Variants in INSR observed in about 807,000 individuals in gnomAD.
The protein encoded by INSR is insulin receptor.
Under a neutral mutation model 142.6 loss-of-function variants are expected in INSR, and 67 were observed. The observed-to-expected ratio is 0.47, with a 90% CI of 0.39 to 0.58. The LOEUF (loss-of-function observed/expected upper bound fraction) is 0.58. INSR is among the 20% of genes least tolerant of loss of function. The pLI is 0.00. For missense variants in INSR, 1,248 were observed against 1,833.2 expected, an observed-to-expected ratio of 0.68 and a Z score of 5.83; for synonymous variants, 756 against 743.1, an observed-to-expected ratio of 1.02 and a Z score of -0.28.
intron 2 of INSR, among the ~76,000 whole-genome samples, chr19:7,232,673 G>A (rs1051021380): frequency 6.6e-6 from 1 of 151,874 alleles, no homozygotes; most frequent in Non-Finnish European, 1.5e-5. Context: ...AGCCAGGCGT[G>A]GTGGCAGGCG....
intron 2 of INSR, among the ~76,000 whole-genome samples, chr19:7,213,603 G>A (rs147296323): frequency 2.6e-5 from 4 of 152,282 alleles, no homozygotes; most frequent in East Asian, 1.9e-4. Flanking sequence ...GTGCATGAGC[G>A]CCTCTAATTG....
At position 7,119,778 on chromosome 19, in the gene INSR, GCACACATGCA is replaced by G. The variant is rs934979507; in HGVS notation, c.3660-205_3660-196del. 2.2e-4 allele frequency among the ~76,000 whole-genome samples: 25 copies of G among 112,316 alleles called. No individual in the cohort carries two copies. Among genetic ancestry groups the G allele is most frequent in the African/African-American group, 1.0e-3 (25 of 25,042 alleles). 73.7% of individuals were successfully genotyped at this position (112,316 alleles called of 152,430 possible). On this transcript the variant is annotated intron_variant, in intron 20 of 21. Coordinates refer to ENST00000302850, the MANE Select transcript of INSR (RefSeq NM_000208.4). The surrounding 1 kb of genome is among the most constrained non-coding windows in gnomAD (Gnocchi z 5.2). ...TGCAAATACACACAAACACGCATGCGCACACATGCACACACAAATATGCAAACACACAAAC... is the reference window on the plus strand; with the variant it reads ...TGCAAATACACACAAACACGCATGCGCACACAAATATGCAAACACACAAAC...
At chr19:7,133,610 C>T (rs542428723) in intron 13 of INSR, among the ~76,000 whole-genome samples, 18 of 152,258 alleles carry the variant, frequency 1.2e-4, no homozygotes, top group Admixed American at 3.3e-4. Flanking sequence ...GCCTGTAATC[C>T]CAATACTTTG....
Position 7,170,850 on chromosome 19 carries a change from G to A in INSR, c.1269-99C>T, listed in dbSNP as rs34970365. On this transcript the variant is annotated intron_variant, in intron 5 of 21. Transcript: ENST00000302850. Reference sequence around the variant, plus strand: ...CGGAGTTGATCTTGTTCAGTGCTACGTGCCTAATCCTCTCCACTTGCTTGG... The same window carrying A: ...CGGAGTTGATCTTGTTCAGTGCTACATGCCTAATCCTCTCCACTTGCTTGG... The A allele has an allele frequency of 7.2e-3, 6,590 of 918,046 alleles. 294 individuals carry two copies. In the African/African-American group the frequency reaches 0.095, roughly 13 times the overall value. The allele number at this position is 918,046 out of a possible 1,614,324, so 56.9% of individuals were successfully genotyped here.
chr19:7,196,204 G>A (rs1008070850), intron 2 of INSR, among the ~76,000 whole-genome samples: 1 of 152,090 alleles, frequency 6.6e-6, no homozygotes, highest in African/African-American at 2.4e-5. Flanking sequence ...CAAAGTGCTG[G>A]GATTACAGGC....
chr19:7,133,132 C>T (rs998994255), intron 13 of INSR, among the ~76,000 whole-genome samples: 13 of 151,946 alleles, frequency 8.6e-5, no homozygotes, highest in African/African-American at 1.9e-4. Flanking sequence ...CACGATGGTT[C>T]GCACCTGTAG....
In INSR at chr19:7,168,753, C is replaced by T. The variant is rs113979682; in HGVS notation, c.1484-659G>A. ...CTGGGATTACAGGCACCCACCACCA[C>T]GTCCAGCTAGTTTTTGTATTTTTTT... On this transcript the variant is annotated intron_variant, in intron 6 of 21. Coordinates refer to ENST00000302850, the MANE Select transcript of INSR (RefSeq NM_000208.4). This position sits in a 1 kb window ranked among gnomAD's most constrained non-coding sequence, Gnocchi z 4.3. Among the ~76,000 whole-genome samples the T allele has an allele frequency of 1.3e-5, 2 of 150,026 alleles. No individual in the cohort carries two copies. The highest frequency in any genetic ancestry group is 5.0e-5 in the African/African-American group (2 of 39,848).
At chr19:7,160,723 C>T (rs1013152768) in intron 9 of INSR, among the ~76,000 whole-genome samples, 9 of 151,858 alleles carry the variant, frequency 5.9e-5, no homozygotes, top group South Asian at 2.1e-4. Context: ...TTAGGCTGGG[C>T]GCGGTGGCTC....
rs57665258 is a variant in INSR, at chr19:7,136,828, C to CATATATAT, written c.2683-4519_2683-4512dup. ...ATGTAAAACTTTATTTATTTATTTA[C>CATATATAT]ATATATATATATATATATATTGAGA... On this transcript the variant is annotated intron_variant, in intron 13 of 21. Transcript: ENST00000302850. Among the ~76,000 whole-genome samples, 167 of 139,828 alleles carry CATATATAT rather than the reference C, an allele frequency of 1.2e-3. 6 individuals are homozygous for CATATATAT. Among genetic ancestry groups the CATATATAT allele is most frequent in the Middle Eastern group, 0.011 (3 of 282 alleles). 91.7% of individuals were successfully genotyped at this position (139,828 alleles called of 152,430 possible). A position where few individuals can be genotyped will look rare whatever the true frequency, so the allele number is the denominator to read the frequency against.
chr19:7,148,573 A>G (rs8102016), intron 11 of INSR, among the ~76,000 whole-genome samples: 148,658 of 148,666 alleles, frequency 1, 74,325 homozygotes, highest in Middle Eastern at 1. Context: ...CGCCTCCAGA[A>G]ATCAAGTGAT....
intron 9 of INSR, among the ~76,000 whole-genome samples, chr19:7,161,499 C>T (rs1258891263): frequency 6.6e-6 from 1 of 152,154 alleles, no homozygotes; most frequent in Non-Finnish European, 1.5e-5. Context: ...ATCCTCCCAC[C>T]TTGGCCTCCC....
At chr19:7,273,307 C>A (rs1432763804) in intron 1 of INSR, among the ~76,000 whole-genome samples, 1 of 152,048 alleles carries the variant, frequency 6.6e-6, no homozygotes, top group African/African-American at 2.4e-5. Flanking sequence ...AGCAGTTTAC[C>A]ACTGGGACAG....
At chr19:7,135,062 G>A (rs1301165864) in intron 13 of INSR, among the ~76,000 whole-genome samples, 2 of 140,428 alleles carry the variant, frequency 1.4e-5, no homozygotes, top group African/African-American at 5.3e-5. Flanking sequence ...TAGGAGGGGG[G>A]TGGAGAGTGG....
Position 7,143,018 on chromosome 19 carries a change from G to C in INSR, c.2340C>G (p.Phe780Leu). The C allele has an allele frequency of 6.2e-7, 1 of 1,614,202 alleles. No homozygotes were observed. Among genetic ancestry groups the C allele is most frequent in the Non-Finnish European group, 8.5e-7 (1 of 1,180,042 alleles). The part of the protein sequence containing the change: ...VTVAVPTVAA[F>L]PNTSSTSVPT... ...GCACGCTGGTCGAGGAAGTGTTGGGGAAAGCTGCCACCGTGGGCACGGCCA... is the reference window on the plus strand; with the variant it reads ...GCACGCTGGTCGAGGAAGTGTTGGGCAAAGCTGCCACCGTGGGCACGGCCA... Residue 780 changes from phenylalanine (F) to leucine (L), a missense_variant, in exon 12 of 22, where the codon TTC (phenylalanine) becomes TTG (leucine). Transcript: ENST00000302850.
chr19:7,248,754 A>ATTTTTTTTTTTTTTTTTTTTTTT (rs552940485), intron 2 of INSR, among the ~76,000 whole-genome samples: 2 of 97,290 alleles, frequency 2.1e-5, no homozygotes, highest in Non-Finnish European at 3.7e-5. Flanking sequence ...GTTGGCCAGA[A>ATTTTTTTTTTTTTTTTTTTTTTT]TTTTTTTTTT....
intron 1 of INSR, among the ~76,000 whole-genome samples, chr19:7,289,336 G>A (rs1968427811): frequency 1.3e-5 from 2 of 151,978 alleles, no homozygotes; most frequent in African/African-American, 4.8e-5. Flanking sequence ...TAGGTAATGG[G>A]GATTGGGGGG....
In INSR at chr19:7,150,362, A is replaced by G; in HGVS notation, c.2267+135T>C. On this transcript the variant is annotated intron_variant, in intron 11 of 21. Transcript: ENST00000302850. This position sits in a 1 kb window ranked among gnomAD's most constrained non-coding sequence, Gnocchi z 4.2. ...AGGCATTGGATTTCTGAATTGGTGAAGCATCTGCTCTCCAGCACAGCTGCC... is the reference window on the plus strand; with the variant it reads ...AGGCATTGGATTTCTGAATTGGTGAGGCATCTGCTCTCCAGCACAGCTGCC... 1 of 737,946 alleles carries G rather than the reference A, an allele frequency of 1.4e-6. No individual in the cohort carries two copies. The highest frequency in any genetic ancestry group is 1.5e-5 in the South Asian group (1 of 67,000). 45.7% of individuals were successfully genotyped at this position (737,946 alleles called of 1,614,324 possible).
At chr19:7,191,557 C>G (rs1383081383) in intron 2 of INSR, among the ~76,000 whole-genome samples, 1 of 152,030 alleles carries the variant, frequency 6.6e-6, no homozygotes, top group Non-Finnish European at 1.5e-5. Flanking sequence ...GGCGCAGTGG[C>G]TTGTGCATGT....
At chr19:7,250,598 G>GA (rs1568218241) in intron 2 of INSR, among the ~76,000 whole-genome samples, 2 of 118,798 alleles carry the variant, frequency 1.7e-5, no homozygotes, top group African/African-American at 3.1e-5. Flanking sequence ...AGGAAGGAAG[G>GA]AGAGGAGGGA....
Sources: allele counts gnomAD v4.1 joint callset (sites outside exome capture counted in the v4.1 genomes callset), GRCh38; gene constraint gnomAD v4.1.1; non-coding constraint Gnocchi (gnomAD v3.1); transcripts MANE v1.5; gene names NCBI Gene and HGNC (gene_info 2026-07-23, HGNC 2026-07-21).